The following ALK variants were observed in gnomAD, a reference collection of about 807,000 sequenced individuals.
ALK encodes ALK receptor tyrosine kinase.
Under a neutral mutation model 163.1 loss-of-function variants are expected in ALK, and 74 were observed. The observed-to-expected ratio is 0.45, with a 90% CI of 0.38 to 0.55. The LOEUF is 0.55. Ranked by LOEUF, ALK falls within the 20% of genes least tolerant of loss-of-function variation. The pLI is 0.00. For missense variants in ALK, 2,063 were observed against 2,105.3 expected (o/e 0.98, Z 0.39); for synonymous variants, 960 against 843.2 (o/e 1.14, Z -2.40).
At chr2:29,734,095 G>C (rs899799740) in intron 1 of ALK, among the ~76,000 whole-genome samples, 2 of 152,134 alleles carry the variant, frequency 1.3e-5, no homozygotes, top group African/African-American at 4.8e-5. Context: ...CCAATGAGAG[G>C]ACTTGGAGAA....
chr2:29,812,318 G>A (rs931205138), intron 1 of ALK, among the ~76,000 whole-genome samples: 1 of 152,106 alleles, frequency 6.6e-6, no homozygotes, highest in Non-Finnish European at 1.5e-5. Flanking sequence ...GCTCTGCTCT[G>A]TAGTATTTGC....
intron 4 of ALK, among the ~76,000 whole-genome samples, chr2:29,456,794 G>C (rs1171792136): frequency 6.6e-6 from 1 of 152,124 alleles, no homozygotes; most frequent in African/African-American, 2.4e-5. Flanking sequence ...TAAATTAGAT[G>C]TCACATGTGA....
rs375266518 is a variant in ALK at position 29,784,656 on chromosome 2, T to C, written c.668-66959A>G. Among the ~76,000 whole-genome samples the C allele has an allele frequency of 7.2e-5, 11 of 152,026 alleles. No individual in the cohort carries two copies. In the East Asian group the frequency reaches 1.7e-3, roughly 24 times the overall value. ...GTTGCAGTGAACCGAGATCATACCA[T>C]TGCATTCCAGGCTGGGTGACAGAGC... On this transcript the variant is annotated intron_variant, in intron 1 of 28. Coordinates refer to ENST00000389048, the MANE Select transcript of ALK (RefSeq NM_004304.5).
intron 1 of ALK, among the ~76,000 whole-genome samples, chr2:29,832,381 G>A (rs1665443252): frequency 6.6e-6 from 1 of 152,212 alleles, no homozygotes; most frequent in Admixed American, 6.5e-5. Context: ...GGGAACTGAG[G>A]TGAATTGAAG....
intron 3 of ALK, among the ~76,000 whole-genome samples, chr2:29,661,267 C>T (rs1416578652): frequency 6.6e-6 from 1 of 152,162 alleles, no homozygotes; most frequent in Non-Finnish European, 1.5e-5. Flanking sequence ...GGTCTGACTT[C>T]ACTGTCTCCA....
rs187983069 is a variant in ALK at position 29,497,900 on chromosome 2, C to A, written c.1154+34015G>T. Among the ~76,000 whole-genome samples, 59 of 152,194 alleles carry A rather than the reference C, an allele frequency of 3.9e-4. 2 individuals are homozygous for A. The highest frequency in any genetic ancestry group is 3.5e-3 in the Admixed American group (54 of 15,278). ...CCAAAAAGTAAATTTAAATTCTTTTCTTTCTTAAGTCCAAAAGATACAAAA... is the reference window on the plus strand; with the variant it reads ...CCAAAAAGTAAATTTAAATTCTTTTATTTCTTAAGTCCAAAAGATACAAAA... On this transcript the variant is annotated intron_variant, in intron 4 of 28. Coordinates refer to ENST00000389048, the MANE Select transcript of ALK (RefSeq NM_004304.5).
chr2:29,645,441 T>A (rs1326903807), intron 3 of ALK, among the ~76,000 whole-genome samples: 1 of 152,148 alleles, frequency 6.6e-6, no homozygotes, highest in African/African-American at 2.4e-5. Flanking sequence ...TTCACCCACA[T>A]TTTTCTCAGA....
At chr2:29,662,118 C>T (rs1279985628) in intron 3 of ALK, among the ~76,000 whole-genome samples, 11 of 152,042 alleles carry the variant, frequency 7.2e-5, no homozygotes, top group Admixed American at 7.2e-4. Flanking sequence ...CACAATGTTG[C>T]CCAGACTGGT....
At chr2:29,805,331 T>G (rs1441337483) in intron 1 of ALK, among the ~76,000 whole-genome samples, 1 of 152,184 alleles carries the variant, frequency 6.6e-6, no homozygotes, top group African/African-American at 2.4e-5. Context: ...TGGATACATG[T>G]GCAGGACATG....
chr2:29,535,010 A>G (rs971907019), intron 3 of ALK, among the ~76,000 whole-genome samples: 6 of 152,246 alleles, frequency 3.9e-5, no homozygotes, highest in African/African-American at 1.4e-4. Context: ...ACCAAAAATA[A>G]GGGAAAAAAT....
chr2:29,348,806 C>G (rs114127400), intron 5 of ALK, among the ~76,000 whole-genome samples: 1 of 152,184 alleles, frequency 6.6e-6, no homozygotes, highest in Non-Finnish European at 1.5e-5. Context: ...ATCGTAAGGA[C>G]GGACTCCTAA....
At chr2:29,857,171 C>T (rs1184286583) in intron 1 of ALK, among the ~76,000 whole-genome samples, 1 of 152,060 alleles carries the variant, frequency 6.6e-6, no homozygotes, top group African/African-American at 2.4e-5. Context: ...GCAGGTGACA[C>T]TAAGTTTTTT....
At chr2:29,559,471 GT>G (rs1673958602) in intron 3 of ALK, among the ~76,000 whole-genome samples, 1 of 152,170 alleles carries the variant, frequency 6.6e-6, no homozygotes, top group Non-Finnish European at 1.5e-5. Flanking sequence ...TTTTTAATAT[GT>G]TCAGCTTTCT....
chr2:29,345,675 A>T (rs1667928781), intron 5 of ALK, among the ~76,000 whole-genome samples: 1 of 152,152 alleles, frequency 6.6e-6, no homozygotes, highest in Non-Finnish European at 1.5e-5. Context: ...AAAAAAACTC[A>T]TAGCAGATTA....
At chr2:29,251,766 C>T (rs1664821856) in intron 11 of ALK, among the ~76,000 whole-genome samples, 1 of 152,204 alleles carries the variant, frequency 6.6e-6, no homozygotes. Flanking sequence ...AAAGGCTCAG[C>T]ATTGCCTATA....
chr2:29,682,787 A>G (rs1305450563), intron 3 of ALK, among the ~76,000 whole-genome samples: 2 of 152,172 alleles, frequency 1.3e-5, no homozygotes, highest in African/African-American at 4.8e-5. Context: ...TTGCCTAAGA[A>G]TAATTCACCA....
At position 29,233,629 on chromosome 2, in the gene ALK, T is replaced by C. The variant is rs2148184532; in HGVS notation, c.2423A>G (p.Asn808Ser). Residue 808 changes from asparagine to serine, a missense_variant, in exon 14 of 29, where the codon AAC (asparagine) becomes AGC (serine). Asn to Ser is a conservative substitution (Grantham distance 46, BLOSUM62 1). Around this residue, in one of 5 missense-constraint regions of ALK, gnomAD observed 575 missense variants for 626.6 expected, o/e 0.92. Coordinates refer to ENST00000389048, the MANE Select transcript of ALK (RefSeq NM_004304.5). ...TCCTGCCCACTCATGCACGCTTCTG[T>C]TCACACGGATTTCTTCTTCTATCAC... ...NNVIEEEIRV[N>S]RSVHEWAGGG... The C allele has an allele frequency of 6.2e-7, 1 of 1,614,236 alleles. No individual in the cohort carries two copies. The highest frequency in any genetic ancestry group is 1.7e-5 in the Admixed American group (1 of 60,016).
chr2:29,373,915 A>C (rs1264302920), intron 5 of ALK, among the ~76,000 whole-genome samples: 2 of 152,222 alleles, frequency 1.3e-5, no homozygotes, highest in Non-Finnish European at 2.9e-5. Flanking sequence ...AAGGTAAAAA[A>C]ATGACTTTAT....
At chr2:29,203,443 G>T (rs188873819) in intron 26 of ALK, among the ~76,000 whole-genome samples, 2 of 142,088 alleles carry the variant, frequency 1.4e-5, no homozygotes, top group African/African-American at 2.6e-5. Flanking sequence ...TTTCTTTGTG[G>T]AAGTTTGCAG....
Sources: gnomAD v4.1 joint callset for allele counts (sites outside exome capture counted in the v4.1 genomes callset) on GRCh38, gnomAD v4.1.1 for gene constraint, gnomAD v4.1.1 regional missense constraint, MANE v1.5 for transcripts, NCBI Gene and HGNC (gene_info 2026-07-23, HGNC 2026-07-21) for gene names.